The following PTPRT variants were observed in gnomAD, a reference collection of about 807,000 sequenced individuals.
PTPRT encodes the protein protein tyrosine phosphatase receptor type T, also known as receptor-type tyrosine-protein phosphatase T.
PTPRT carries 56 observed loss-of-function variants against 176.8 expected under a neutral mutation model. The observed-to-expected ratio is 0.32, with a 90% CI of 0.26 to 0.40. The LOEUF (loss-of-function observed/expected upper bound fraction) is 0.40, where lower values mean the gene tolerates loss of function less well. PTPRT is among the 10% of genes least tolerant of loss of function. PTPRT has a pLI of 1.00. For synonymous variants in PTPRT, 783 were observed against 739.0 expected (o/e 1.06, Z -0.96); for missense variants, 1,540 against 1,908.2 (o/e 0.81, Z 3.60).
At chr20:42,217,006 T>A (rs1187352004) in intron 15 of PTPRT, among the ~76,000 whole-genome samples, 3 of 152,190 alleles carry the variant, frequency 2.0e-5, no homozygotes, top group Non-Finnish European at 2.9e-5. Context: ...TACTGGTCTA[T>A]GGAATGCCAT....
chr20:42,599,497 G>A (rs1436038754), intron 7 of PTPRT, among the ~76,000 whole-genome samples: 2 of 152,084 alleles, frequency 1.3e-5, no homozygotes, highest in East Asian at 3.9e-4. Context: ...AGAGAGATGG[G>A]GTGCAATGGG....
Position 42,979,866 on chromosome 20 carries a change from A to G in PTPRT, c.89-93934T>C, listed in dbSNP as rs564811916. On this transcript the variant is annotated intron_variant, in intron 1 of 30. Coordinates refer to ENST00000373187, the MANE Select transcript of PTPRT (RefSeq NM_007050.6). ...TCACCCAGGTATTCCCAGAACGTCT[A>G]TCCTGTGTCCAGCCCCAAATCTCAG... Among the ~76,000 whole-genome samples the G allele has an allele frequency of 2.4e-4, 37 of 151,734 alleles. No individual in the cohort carries two copies. In the South Asian group the frequency reaches 7.7e-3, roughly 32 times the overall value.
At chr20:43,119,149 CA>C (rs1256420918) in intron 1 of PTPRT, among the ~76,000 whole-genome samples, 2 of 152,054 alleles carry the variant, frequency 1.3e-5, no homozygotes, top group Non-Finnish European at 2.9e-5. Flanking sequence ...TGTTGTTTTT[CA>C]AAAAACTAGA....
chr20:42,699,318 C>T (rs1429095852), intron 6 of PTPRT, among the ~76,000 whole-genome samples: 2 of 152,178 alleles, frequency 1.3e-5, no homozygotes, highest in East Asian at 3.9e-4. Flanking sequence ...TTTCTTCCTT[C>T]AAGGCCCTGT....
intron 6 of PTPRT, among the ~76,000 whole-genome samples, chr20:42,708,394 C>T (rs1013730766): frequency 6.6e-6 from 1 of 152,198 alleles, no homozygotes; most frequent in Admixed American, 6.5e-5. Flanking sequence ...CACATGAGAA[C>T]TGACATCCTA....
At chr20:42,781,399 T>G (rs906974402) in intron 3 of PTPRT, among the ~76,000 whole-genome samples, 8 of 152,024 alleles carry the variant, frequency 5.3e-5, no homozygotes, top group African/African-American at 1.9e-4. Context: ...GGGGCTGACT[T>G]CTAACTTTTT....
At chr20:42,711,930 C>A (rs1253904304) in intron 6 of PTPRT, among the ~76,000 whole-genome samples, 1 of 151,938 alleles carries the variant, frequency 6.6e-6, no homozygotes. Flanking sequence ...GTTCAGGTGG[C>A]CTGACTCCAC....
chr20:42,913,720 T>C (rs1978549192), intron 1 of PTPRT, among the ~76,000 whole-genome samples: 1 of 152,202 alleles, frequency 6.6e-6, no homozygotes, highest in South Asian at 2.1e-4. Context: ...TGCCAATATT[T>C]CTAATTTTTC....
At chr20:42,382,822 T>C (rs900407346) in intron 9 of PTPRT, among the ~76,000 whole-genome samples, 7 of 152,150 alleles carry the variant, frequency 4.6e-5, no homozygotes, top group Admixed American at 3.9e-4. Flanking sequence ...GTGCCACCCA[T>C]AGGTGGTCAC....
chr20:42,877,171 TG>T (rs2078946913), intron 2 of PTPRT, among the ~76,000 whole-genome samples: 1 of 151,598 alleles, frequency 6.6e-6, no homozygotes, highest in Non-Finnish European at 1.5e-5. Flanking sequence ...AAGGGAGTTC[TG>T]GGAGATCAAC....
chr20:43,134,975 A>T (rs992280970), intron 1 of PTPRT, among the ~76,000 whole-genome samples: 4 of 152,110 alleles, frequency 2.6e-5, no homozygotes, highest in African/African-American at 7.2e-5. Context: ...CGCCAGTAGC[A>T]CCCACCGCCA....
chr20:42,127,392 GTCTC>G (rs890670747), intron 19 of PTPRT, among the ~76,000 whole-genome samples: 6 of 151,880 alleles, frequency 4.0e-5, no homozygotes, highest in African/African-American at 1.5e-4. Context: ...CTGTCTGTCT[GTCTC>G]TCTCTCTTTC....
At chr20:42,252,818 A>C (rs1284755627) in intron 13 of PTPRT, among the ~76,000 whole-genome samples, 1 of 152,244 alleles carries the variant, frequency 6.6e-6, no homozygotes, top group East Asian at 1.9e-4. Context: ...CTAGAGGTTT[A>C]GACGAATTCA....
At chr20:42,129,801 T>C (rs1988040131) in intron 18 of PTPRT, among the ~76,000 whole-genome samples, 2 of 152,198 alleles carry the variant, frequency 1.3e-5, no homozygotes, top group African/African-American at 4.8e-5. Context: ...CATTCTGCAG[T>C]TTACAAGGCA....
At chr20:42,846,162 G>A (rs764204640) in intron 2 of PTPRT, among the ~76,000 whole-genome samples, 5 of 152,112 alleles carry the variant, frequency 3.3e-5, no homozygotes, top group South Asian at 4.2e-4. Context: ...AAGGTCACTC[G>A]CCATGCTTTA....
At chr20:42,780,362 C>G (rs2077197430) in intron 3 of PTPRT, 63 bp from the exon 4 acceptor site, 2 of 1,299,688 alleles carry the variant, frequency 1.5e-6, no homozygotes, top group African/African-American at 1.5e-5. Flanking sequence ...TCACAAGAAG[C>G]TGCCCGGCCC....
chr20:42,169,074 A>G (rs1338895933), intron 16 of PTPRT, among the ~76,000 whole-genome samples: 1 of 152,214 alleles, frequency 6.6e-6, no homozygotes, highest in African/African-American at 2.4e-5. Flanking sequence ...CCTGAAGAAC[A>G]GAAAAGAAAT....
At chr20:42,145,487 G>A (rs1019461870) in intron 17 of PTPRT, among the ~76,000 whole-genome samples, 7 of 138,000 alleles carry the variant, frequency 5.1e-5, no homozygotes, top group African/African-American at 1.9e-4. Flanking sequence ...GTGACAGTGA[G>A]ACTTTGTCTC....
At chr20:42,459,100 T>C (rs6030258) in intron 8 of PTPRT, among the ~76,000 whole-genome samples, 4,132 of 152,210 alleles carry the variant, frequency 0.027, 175 homozygotes, top group African/African-American at 0.091. Flanking sequence ...AGAGGTGACA[T>C]TGGAAAAAAG....
Sources: allele counts gnomAD v4.1 joint callset (sites outside exome capture counted in the v4.1 genomes callset), GRCh38; gene constraint gnomAD v4.1.1; transcripts MANE v1.5; gene names NCBI Gene and HGNC (gene_info 2026-07-23, HGNC 2026-07-21).